Variants in DNAH6 observed in about 807,000 individuals in gnomAD.
The protein encoded by DNAH6 is axonemal beta dynein heavy chain 6.
A neutral mutation model predicts 491.4 loss-of-function variants in DNAH6; 340 were observed. The observed-to-expected ratio is 0.69, with a 90% CI of 0.63 to 0.76. The LOEUF is 0.76. DNAH6 is among the 30% of genes least tolerant of loss of function. The pLI, the probability that DNAH6 is intolerant of heterozygous loss-of-function variation, is 0.00. For synonymous variants in DNAH6, 1,603 were observed against 1,686.1 expected, an observed-to-expected ratio of 0.95 and a Z score of 1.21; for missense variants, 4,443 against 4,972.2, an observed-to-expected ratio of 0.89 and a Z score of 3.20.
At chr2:84,722,999 G>A (rs1162754754) in intron 60 of DNAH6, among the ~76,000 whole-genome samples, 195 bp downstream of exon 60, 2 of 152,076 alleles carry the variant, frequency 1.3e-5, no homozygotes, top group Non-Finnish European at 2.9e-5. Context: ...AGGCCGAGGT[G>A]GGTGGATCAC....
At chr2:84,756,120 T>C (rs575738844) in intron 63 of DNAH6, among the ~76,000 whole-genome samples, 1 of 152,324 alleles carries the variant, frequency 6.6e-6, no homozygotes, top group African/African-American at 2.4e-5. Context: ...ATCAGCAGCG[T>C]GAAAATGGAC....
In DNAH6 at chr2:84,517,857, G is replaced by T. The variant is rs1336545928; in HGVS notation, c.31G>T (p.Asp11Tyr). ...TTTTCGGGCCACAGATAGTGAATTT[G>T]ACCTGACAAATATTGAAGAGTATGC... Reference protein sequence around the residue: MTFRATDSEFDLTNIEEYAEN... With the variant: MTFRATDSEFYLTNIEEYAEN... Residue 11 changes from aspartate (D) to tyrosine (Y), a missense_variant, in exon 2 of 77, where the codon GAC becomes TAC. Around this residue, in one of 3 missense-constraint regions of DNAH6, gnomAD observed 2,977 missense variants for 3,296.6 expected, o/e 0.90. Transcript: ENST00000389394. The T allele has an allele frequency of 6.4e-7, 1 of 1,551,468 alleles. No homozygotes were observed. Among genetic ancestry groups the T allele is most frequent in the African/African-American group, 1.4e-5 (1 of 72,990 alleles).
intron 11 of DNAH6, among the ~76,000 whole-genome samples, chr2:84,569,680 C>G (rs1174142435): frequency 1.3e-5 from 2 of 152,116 alleles, no homozygotes; most frequent in East Asian, 3.8e-4. Context: ...ATACTGAACT[C>G]TAGTTAGTAG....
intron 22 of DNAH6, among the ~76,000 whole-genome samples, chr2:84,614,063 A>C (rs967692992): frequency 1.3e-5 from 2 of 151,986 alleles, no homozygotes; most frequent in African/African-American, 4.8e-5. Flanking sequence ...TGGGGGAAAC[A>C]GGTGGTGTAT....
intron 64 of DNAH6, among the ~76,000 whole-genome samples, chr2:84,765,274 G>C (rs954443633): frequency 6.6e-6 from 1 of 152,048 alleles, no homozygotes; most frequent in African/African-American, 2.4e-5. Flanking sequence ...AACAAGGAAA[G>C]GCAGACTGAA....
chr2:84,763,160 G>T (rs1053457888), intron 64 of DNAH6, among the ~76,000 whole-genome samples: 2 of 152,092 alleles, frequency 1.3e-5, no homozygotes, highest in Non-Finnish European at 2.9e-5. Context: ...AGGAGAAATT[G>T]CTTAAAATAT....
chr2:84,661,425 T>C (rs561578106), intron 37 of DNAH6, among the ~76,000 whole-genome samples: 1 of 152,228 alleles, frequency 6.6e-6, no homozygotes, highest in Non-Finnish European at 1.5e-5. Flanking sequence ...AATGACTGAA[T>C]ATGTAGAAAT....
At chr2:84,470,859 A>G in the DNAH6 span, among the ~76,000 whole-genome samples, 1 of 152,150 alleles carries the variant, frequency 6.6e-6, no homozygotes, top group Admixed American at 6.5e-5. Flanking sequence ...AAGTGGGACC[A>G]GGGGGCCATC....
At chr2:84,574,315 G>A (rs1682212105) in intron 12 of DNAH6, among the ~76,000 whole-genome samples, 1 of 150,724 alleles carries the variant, frequency 6.6e-6, no homozygotes, top group Admixed American at 6.6e-5. Flanking sequence ...ATTCCTTATT[G>A]TTTACTATGC....
chr2:84,781,947 A>G (rs772342009), intron 65 of DNAH6, among the ~76,000 whole-genome samples: 1 of 152,224 alleles, frequency 6.6e-6, no homozygotes, highest in Non-Finnish European at 1.5e-5. Context: ...TAAAAAGAAA[A>G]ATATACTTAG....
upstream of DNAH6, among the ~76,000 whole-genome samples, chr2:84,514,678 T>C (rs141302790): frequency 9.5e-4 from 145 of 152,254 alleles, no homozygotes; most frequent in African/African-American, 3.4e-3. Context: ...CTATAAGAAC[T>C]ATAAAAATAG....
chr2:84,787,309 A>G lies in DNAH6; in HGVS notation c.11239+7A>G. 6.5e-7 allele frequency: 1 copy of G among 1,546,658 alleles called. No individual in the cohort carries two copies. Among genetic ancestry groups the G allele is most frequent in the Non-Finnish European group, 8.7e-7 (1 of 1,145,078 alleles). ...GCACTAATTTACATTACTGGTGAGT[A>G]CGTCCTTGTGGCCAGGCCTTCCATC... On this transcript the variant is annotated splice_region_variant and intron_variant, in intron 68 of 76. Coordinates refer to ENST00000389394, the MANE Select transcript of DNAH6 (RefSeq NM_001370.2).
the DNAH6 span, among the ~76,000 whole-genome samples, chr2:84,505,548 AT>A: frequency 1.3e-5 from 2 of 151,844 alleles, no homozygotes; most frequent in African/African-American, 4.8e-5. Flanking sequence ...TAATGTTTTT[AT>A]TTTTTTAAGT....
intron 9 of DNAH6, 125 bp from the exon 10 acceptor site, chr2:84,552,793 C>T (rs1413784087): frequency 2.1e-6 from 1 of 480,840 alleles, no homozygotes; most frequent in East Asian, 3.3e-5. Flanking sequence ...GAAACACTTT[C>T]CACATGCCAA....
the DNAH6 span, among the ~76,000 whole-genome samples, chr2:84,479,022 G>T: frequency 1.3e-5 from 2 of 152,016 alleles, no homozygotes; most frequent in African/African-American, 2.4e-5. Context: ...ACTCCTCTCT[G>T]ATGCTACACT....
At chr2:84,757,682 G>A (rs1283869764) in intron 63 of DNAH6, among the ~76,000 whole-genome samples, 1 of 152,170 alleles carries the variant, frequency 6.6e-6, no homozygotes, top group African/African-American at 2.4e-5. Flanking sequence ...ATTGTAAACA[G>A]CAGAGAACTC....
chr2:84,763,551 G>A (rs557318259), intron 64 of DNAH6, among the ~76,000 whole-genome samples: 1 of 152,166 alleles, frequency 6.6e-6, no homozygotes, highest in East Asian at 1.9e-4. Context: ...GGAGAATAGG[G>A]GTCTCAGATC....
rs533577822 is a variant in DNAH6, at chr2:84,797,426, A to G, written c.11360-111A>G. The G allele has an allele frequency of 1.8e-4, 187 of 1,010,878 alleles. No homozygotes were observed. In the African/African-American group the frequency reaches 2.6e-3, roughly 14 times the overall value. The allele number at this position is 1,010,878 out of a possible 1,614,324, so 62.6% of individuals were successfully genotyped here. ...TAGGAAAAACAATCCCCCTTTCTAC[A>G]TGAGCCAGCTGATTGCAGCCACCAT... On this transcript the variant is annotated intron_variant, in intron 69 of 76. Coordinates refer to ENST00000389394, the MANE Select transcript of DNAH6 (RefSeq NM_001370.2).
At chr2:84,718,480 C>CG (rs1697765887) in intron 59 of DNAH6, 96 bp downstream of exon 59, 6 of 1,037,478 alleles carry the variant, frequency 5.8e-6, no homozygotes, top group Non-Finnish European at 7.9e-6. Flanking sequence ...TAAAGCAAGA[C>CG]GGGGGCCACA....
Sources: allele counts gnomAD v4.1 joint callset (sites outside exome capture counted in the v4.1 genomes callset), GRCh38; gene constraint gnomAD v4.1.1; regional missense constraint gnomAD v4.1.1; transcripts MANE v1.5; gene names NCBI Gene and HGNC (gene_info 2026-07-23, HGNC 2026-07-21).